KHDRBS2: variants seen among roughly 807,000 people sequenced by gnomAD.
KHDRBS2 encodes KH domain-containing, RNA-binding, signal transduction-associated protein 2.
In KHDRBS2, 26 loss-of-function variants were observed where a neutral mutation model predicts 44.3. That is an observed-to-expected ratio of 0.59 (90% CI 0.43 to 0.81). The LOEUF (loss-of-function observed/expected upper bound fraction) is 0.81, where lower values mean the gene tolerates loss of function less well. KHDRBS2 is among the 40% of genes least tolerant of loss of function. KHDRBS2 has a pLI of 0.00. For missense variants in KHDRBS2, 476 were observed against 433.1 expected (o/e 1.10, Z -0.88); for synonymous variants, 194 against 151.1 (o/e 1.28, Z -2.08).
intron 1 of KHDRBS2, among the ~76,000 whole-genome samples, chr6:62,200,369 G>T (rs941130780): frequency 1.3e-5 from 2 of 152,082 alleles, no homozygotes; most frequent in Non-Finnish European, 2.9e-5. Context: ...AATCTACAAT[G>T]AACTCAAACA....
chr6:62,260,351 T>C (rs1424134886), intron 1 of KHDRBS2, among the ~76,000 whole-genome samples: 1 of 151,950 alleles, frequency 6.6e-6, no homozygotes, highest in Admixed American at 6.6e-5. Context: ...GATGGAAGGG[T>C]AGAATGACCT....
At position 61,783,947 on chromosome 6, in the gene KHDRBS2, A is replaced by C. The variant is rs1562172989; in HGVS notation, c.811-51183T>G. ...TCTTTTAAATTATAAAGTGTGAATC[A>C]CTGAAGCAATTGGATTACAGCATTC... On this transcript the variant is annotated intron_variant, in intron 6 of 8. Coordinates refer to ENST00000281156, the MANE Select transcript of KHDRBS2 (RefSeq NM_152688.4). Among the ~76,000 whole-genome samples the C allele has an allele frequency of 2.0e-5, 3 of 152,114 alleles. No individual in the cohort carries two copies. In the East Asian group the frequency reaches 5.8e-4, roughly 29 times the overall value.
chr6:62,216,477 A>G (rs537272090), intron 1 of KHDRBS2, among the ~76,000 whole-genome samples: 31 of 151,816 alleles, frequency 2.0e-4, no homozygotes, highest in Non-Finnish European at 3.2e-4. Flanking sequence ...CATAATACCA[A>G]TAGCTACCTA....
intron 5 of KHDRBS2, among the ~76,000 whole-genome samples, chr6:61,899,077 A>C (rs1321448854): frequency 3.9e-5 from 6 of 151,900 alleles, no homozygotes; most frequent in African/African-American, 9.7e-5. Flanking sequence ...TTTGTAAGGG[A>C]GAAAACATAA....
At chr6:62,219,433 T>C (rs1830522188) in intron 1 of KHDRBS2, among the ~76,000 whole-genome samples, 1 of 151,822 alleles carries the variant, frequency 6.6e-6, no homozygotes, top group Non-Finnish European at 1.5e-5. Context: ...ACAAATTCAA[T>C]ATTACAATCA....
the KHDRBS2 span, among the ~76,000 whole-genome samples, chr6:61,617,637 A>ATT: frequency 1.4e-3 from 214 of 151,990 alleles, no homozygotes; most frequent in African/African-American, 4.8e-3. Flanking sequence ...AAAAAGACTG[A>ATT]TTTTTTTTAT....
At chr6:61,629,717 CTA>C in the KHDRBS2 span, among the ~76,000 whole-genome samples, 1 of 152,108 alleles carries the variant, frequency 6.6e-6, no homozygotes, top group Non-Finnish European at 1.5e-5. Flanking sequence ...TATTGAAAAA[CTA>C]TAACGTTATA....
intron 6 of KHDRBS2, among the ~76,000 whole-genome samples, chr6:61,873,524 T>A (rs1356642744): frequency 1.3e-5 from 2 of 151,904 alleles, no homozygotes; most frequent in African/African-American, 4.8e-5. Context: ...ATTTAGTATA[T>A]CTGCCTAGAA....
intron 6 of KHDRBS2, among the ~76,000 whole-genome samples, chr6:61,795,144 C>CAACA (rs1785139319): frequency 1.7e-5 from 1 of 59,670 alleles, no homozygotes; most frequent in Non-Finnish European, 3.2e-5. Context: ...GACTCCGTCT[C>CAACA]AAAAAAAAAA....
At chr6:62,175,890 T>G (rs1165400997) in intron 2 of KHDRBS2, among the ~76,000 whole-genome samples, 1 of 151,450 alleles carries the variant, frequency 6.6e-6, no homozygotes, top group Non-Finnish European at 1.5e-5. Context: ...CTTAATTTGA[T>G]CAGAGACTAT....
At chr6:61,843,663 C>A (rs1207455529) in intron 6 of KHDRBS2, among the ~76,000 whole-genome samples, 7 of 152,038 alleles carry the variant, frequency 4.6e-5, no homozygotes, top group African/African-American at 1.4e-4. Flanking sequence ...CTGCACCCAG[C>A]CTATTTATAC....
intron 7 of KHDRBS2, among the ~76,000 whole-genome samples, chr6:61,698,684 C>G (rs1014061441): frequency 6.6e-6 from 1 of 152,054 alleles, no homozygotes; most frequent in East Asian, 1.9e-4. Context: ...TTTGTCCCCC[C>G]CTTGTATTTC....
chr6:62,059,197 A>ATTTTTTTTTTTTTTTT (rs1562748697), intron 2 of KHDRBS2, among the ~76,000 whole-genome samples: 1 of 30,076 alleles, frequency 3.3e-5, no homozygotes, highest in African/African-American at 7.8e-5. Context: ...AAAGTTAGGA[A>ATTTTTTTTTTTTTTTT]GTTTTTTTTT....
At chr6:61,938,037 T>C (rs1811368367) in intron 4 of KHDRBS2, among the ~76,000 whole-genome samples, 1 of 152,068 alleles carries the variant, frequency 6.6e-6, no homozygotes, top group African/African-American at 2.4e-5. Context: ...CAGGACACCT[T>C]CTACAGCCCC....
chr6:61,583,977 G>A, the KHDRBS2 span, among the ~76,000 whole-genome samples: 1 of 151,268 alleles, frequency 6.6e-6, no homozygotes, highest in African/African-American at 2.4e-5. Flanking sequence ...GAATGCTATT[G>A]TAGATGGCAT....
chr6:61,613,812 T>C, the KHDRBS2 span, among the ~76,000 whole-genome samples: 1 of 152,062 alleles, frequency 6.6e-6, no homozygotes, highest in East Asian at 1.9e-4. Flanking sequence ...AATCTTAGTA[T>C]AAATTCTTCC....
At chr6:61,564,785 C>G in the KHDRBS2 span, among the ~76,000 whole-genome samples, 4 of 151,988 alleles carry the variant, frequency 2.6e-5, no homozygotes, top group Admixed American at 6.6e-5. Flanking sequence ...TCAGGCTTGT[C>G]TCTCATAAAT....
chr6:61,568,133 A>T, the KHDRBS2 span, among the ~76,000 whole-genome samples: 1 of 152,162 alleles, frequency 6.6e-6, no homozygotes. Context: ...TGATTTTATC[A>T]AATATCAGTT....
intron 6 of KHDRBS2, among the ~76,000 whole-genome samples, chr6:61,809,329 G>A (rs1166069544): frequency 6.6e-6 from 1 of 152,128 alleles, no homozygotes; most frequent in African/African-American, 2.4e-5. Flanking sequence ...ACTGCAACCA[G>A]AATTCTTAAT....
Sources: allele counts gnomAD v4.1 joint callset (sites outside exome capture counted in the v4.1 genomes callset), GRCh38; gene constraint gnomAD v4.1.1; transcripts MANE v1.5; gene names NCBI Gene and HGNC (gene_info 2026-07-23, HGNC 2026-07-21).